Variants in TAF1 observed in about 807,000 individuals in gnomAD.
TAF1 encodes TATA-box binding protein associated factor 1.
Under a neutral mutation model 138.5 loss-of-function variants are expected in TAF1, and 2 were observed. The ratio of observed to expected loss-of-function variants is 0.01; its 90% CI spans 0.01 to 0.05. TAF1 has a LOEUF of 0.05. Among genes scored for constraint, TAF1 ranks in the 10% least tolerant of loss-of-function variants. The pLI is 1.00. For synonymous variants in TAF1, 437 were observed against 503.2 expected (o/e 0.87, Z 1.76); for missense variants, 709 against 1,478.0 (o/e 0.48, Z 8.53).
intron 32 of TAF1, among the ~76,000 whole-genome samples, chrX:71,450,719 T>A (rs1411695684): frequency 8.9e-6 from 1 of 112,449 alleles, no homozygotes; most frequent in African/African-American, 3.2e-5. Flanking sequence ...GGATATGACC[T>A]ATATCTCACT....
intron 37 of TAF1, among the ~76,000 whole-genome samples, chrX:71,462,498 G>C (rs1298628852): frequency 9.0e-6 from 1 of 111,032 alleles, no homozygotes; most frequent in Non-Finnish European, 1.9e-5. Context: ...CTTGAACCCA[G>C]GAGGCAGAGG....
At chrX:71,508,066 T>TTCTCTCTCTC (rs369650229) in intron 13 of TAF1, among the ~76,000 whole-genome samples, 47 of 83,517 alleles carry the variant, frequency 5.6e-4, no homozygotes, top group African/African-American at 2.1e-3. Flanking sequence ...TATATGAATA[T>TTCTCTCTCTC]TCTCTCTCTC....
intron 13 of TAF1, among the ~76,000 whole-genome samples, chrX:71,488,317 C>A (rs1211549103): frequency 8.9e-5 from 9 of 100,584 alleles, no homozygotes; most frequent in Non-Finnish European, 2.0e-5. Context: ...GATCTCGGCT[C>A]ACTGCAACCT....
intron 13 of TAF1, chrX:71,491,092 G>C (rs1352377296): frequency 4.0e-5 from 4 of 98,929 alleles, no homozygotes; most frequent in African/African-American, 1.1e-4. Flanking sequence ...GAAGCAGTGA[G>C]AGTGGAGAAG....
chrX:71,393,162 G>C (rs985780850), intron 20 of TAF1, 139 bp from the exon 21 acceptor site: 2 of 1,063,172 alleles, frequency 1.9e-6, no homozygotes, highest in African/African-American at 3.8e-5. Flanking sequence ...CTGCTTTGGG[G>C]TGATTTTTCT....
At chrX:71,474,143 AAAAAG>A (rs1395521731) in intron 13 of TAF1, among the ~76,000 whole-genome samples, 5 of 109,774 alleles carry the variant, frequency 4.6e-5, no homozygotes, top group South Asian at 3.9e-4. Context: ...AAAACTCTGA[AAAAAG>A]AAAGAAAGAG....
chrX:71,455,183 AG>A (rs1273399204), intron 34 of TAF1, among the ~76,000 whole-genome samples: 1 of 110,810 alleles, frequency 9.0e-6, no homozygotes, highest in Non-Finnish European at 1.9e-5. Context: ...TTGGGACTCT[AG>A]AACATCCCTA....
intron 28 of TAF1, chrX:71,420,514 T>C: frequency 8.3e-7 from 1 of 1,205,259 alleles, no homozygotes; most frequent in Non-Finnish European, 1.1e-6. Context: ...TTCTCCTCAA[T>C]GACATGATCA....
At chrX:71,432,403 G>A (rs1049152495) in intron 32 of TAF1, among the ~76,000 whole-genome samples, 3 of 111,639 alleles carry the variant, frequency 2.7e-5, no homozygotes, top group East Asian at 2.8e-4. Flanking sequence ...ATCAATAAGC[G>A]AATTATTTTT....
intron 13 of TAF1, among the ~76,000 whole-genome samples, chrX:71,512,471 A>C (rs1235374683): frequency 8.9e-6 from 1 of 111,833 alleles, no homozygotes; most frequent in African/African-American, 3.2e-5. Flanking sequence ...TAAGTGATGG[A>C]AAGAGGAAGA....
chrX:71,452,590 C>T (rs993387164), intron 32 of TAF1, among the ~76,000 whole-genome samples: 1 of 108,779 alleles, frequency 9.2e-6, no homozygotes, highest in African/African-American at 3.4e-5. Flanking sequence ...GGCAGCCAGG[C>T]AGAGGGGCTC....
chrX:71,485,993 T>A lies in TAF1; in HGVS notation c.1366+25190T>A, dbSNP rs936710133. Among the ~76,000 whole-genome samples the A allele has an allele frequency of 4.5e-5, 5 of 110,254 alleles. No homozygotes were observed. The East Asian group carries it at 1.4e-3, about 31-fold the overall frequency. Reference sequence around the variant, plus strand: ...TATTATTTATTTATTTATTTATTTTTGAGACAGAATCTTGCGTTGTCACCC... The same window carrying A: ...TATTATTTATTTATTTATTTATTTTAGAGACAGAATCTTGCGTTGTCACCC... On this transcript the variant is annotated intron_variant and NMD_transcript_variant, in intron 13 of 14. Transcript: ENST00000373775.
intron 24 of TAF1, 136 bp downstream of exon 24, chrX:71,398,873 A>G (rs1406193530): frequency 1.1e-5 from 10 of 905,007 alleles, no homozygotes; most frequent in Non-Finnish European, 1.5e-5. Flanking sequence ...TGATGTGACT[A>G]CTTGGGGGTG....
chrX:71,386,292 G>C (rs2034222729), intron 14 of TAF1, among the ~76,000 whole-genome samples: 1 of 111,447 alleles, frequency 9.0e-6, no homozygotes, highest in East Asian at 2.8e-4. Context: ...CTGATTTTCG[G>C]GGAAGGCTTT....
intron 13 of TAF1, among the ~76,000 whole-genome samples, chrX:71,500,860 C>T (rs926402349): frequency 1.1e-4 from 12 of 109,040 alleles, no homozygotes; most frequent in Middle Eastern, 4.7e-3. Context: ...GTCAGGAGTT[C>T]GAGATCAGCC....
chrX:71,400,507 T>C (rs2035121191), intron 24 of TAF1, among the ~76,000 whole-genome samples: 1 of 112,210 alleles, frequency 8.9e-6, no homozygotes, highest in African/African-American at 3.2e-5. Context: ...AAGTAAAACA[T>C]ACAAGTTGTT....
chrX:71,390,572 C>T (rs947301399), intron 18 of TAF1, among the ~76,000 whole-genome samples: 2 of 111,506 alleles, frequency 1.8e-5, no homozygotes, highest in African/African-American at 3.3e-5. Flanking sequence ...CAGGCTGTAC[C>T]GTGGTGAGAT....
chrX:71,457,879 C>T (rs2038375222), intron 34 of TAF1, among the ~76,000 whole-genome samples: 1 of 112,227 alleles, frequency 8.9e-6, no homozygotes, highest in African/African-American at 3.2e-5. Flanking sequence ...TTTCCTCTGT[C>T]TCCAAATCAA....
At chrX:71,431,810 G>A (rs1212861697) in intron 32 of TAF1, among the ~76,000 whole-genome samples, 3 of 109,652 alleles carry the variant, frequency 2.7e-5, no homozygotes, top group East Asian at 5.7e-4. Context: ...CAGCTACTCC[G>A]GAGGCTGAGG....
Sources: allele counts gnomAD v4.1 joint callset (sites outside exome capture counted in the v4.1 genomes callset), GRCh38; gene constraint gnomAD v4.1.1; transcripts MANE v1.5; gene names NCBI Gene and HGNC (gene_info 2026-07-23, HGNC 2026-07-21).